IQGAP3: variants seen among roughly 807,000 people sequenced by gnomAD.
IQGAP3 encodes the protein IQ motif containing GTPase activating protein 3.
Under a neutral mutation model 208.2 loss-of-function variants are expected in IQGAP3, and 165 were observed. That is an observed-to-expected ratio of 0.79 (90% CI 0.70 to 0.90). The LOEUF (loss-of-function observed/expected upper bound fraction) is 0.90. Ranked by LOEUF, IQGAP3 falls within the 40% of genes least tolerant of loss-of-function variation. The pLI is 0.00. For missense variants in IQGAP3, 1,811 were observed against 2,043.1 expected (o/e 0.89, Z 2.19); for synonymous variants, 703 against 803.6 (o/e 0.87, Z 2.12).
At chr1:156,526,676 C>A in intron 37 of IQGAP3, 77 bp from the exon 38 acceptor site, 1 of 945,616 alleles carries the variant, frequency 1.1e-6, no homozygotes. Flanking sequence ...AAAACACTCA[C>A]ATCATGGGGC....
intron 32 of IQGAP3, 80 bp downstream of exon 32, chr1:156,532,900 G>T (rs1317074700): frequency 4.7e-6 from 7 of 1,503,156 alleles, no homozygotes; most frequent in Non-Finnish European, 5.5e-6. Flanking sequence ...GGTGGAATGG[G>T]CGCCTCAGAA....
chr1:156,527,091 A>T (rs1674112143), intron 37 of IQGAP3, among the ~76,000 whole-genome samples: 1 of 150,472 alleles, frequency 6.6e-6, no homozygotes. Context: ...TCGGCCTCCC[A>T]AAGTGCTGGG....
chr1:156,543,609 G>C (rs1248127790), intron 22 of IQGAP3, among the ~76,000 whole-genome samples: 1 of 152,176 alleles, frequency 6.6e-6, no homozygotes, highest in Non-Finnish European at 1.5e-5. Flanking sequence ...CCACACCACG[G>C]AATAGATGTA....
rs1311692332 is a variant in IQGAP3 at position 156,556,582 on chromosome 1, G to C, written c.1241C>G (p.Ala414Gly). The C allele has an allele frequency of 3.7e-6, 6 of 1,613,550 alleles. No homozygotes were observed. In the African/African-American group the frequency reaches 6.7e-5, roughly 18 times the overall value. The change falls in exon 12 of 38, where the codon GCA (alanine) becomes GGA (glycine). Residue 414 changes from alanine (A) to glycine (G), a missense_variant. Ala to Gly is a moderately conservative substitution (Grantham distance 60, BLOSUM62 0). Transcript: ENST00000361170. ...CAGCTCCAGCTGGTACATAGACGAT[G>C]CAACAGGGTACACTGGAGGCAGCTG... is the stretch of plus-strand genomic sequence containing the variant. ...EAQLPPVYPV[A>G]SSMYQLELAV...
rs1571322950 is a variant in IQGAP3, at chr1:156,538,904, A to G, written c.3186T>C (p.Asp1062=). 6.2e-7 allele frequency: 1 copy of G among 1,614,160 alleles called. No individual in the cohort carries two copies. The highest frequency in any genetic ancestry group is 8.5e-7 in the Non-Finnish European group (1 of 1,180,032). Residue 1062 remains aspartate (D), a synonymous_variant, in exon 26 of 38, where the codon GAT becomes GAC. Transcript: ENST00000361170. ...LQEILGKVIQ[D]VLEDKVLSVH... is the part of the protein sequence containing the mutation. ...CGCTGAGCACTTTGTCTTCTAGCAC[A>G]TCCTGGATAACCTTGCCCAGAATCT...
In IQGAP3 at chr1:156,564,950, A is replaced by G. The variant is rs2102442146; in HGVS notation, c.361-259T>C. On this transcript the variant is annotated intron_variant, in intron 4 of 37. Transcript: ENST00000361170. Reference sequence around the variant, plus strand: ...GCCCTGGATTAACCAAACACCAGATAAGGCCATCAAGGCTACAGGATATAA... The same window carrying G: ...GCCCTGGATTAACCAAACACCAGATGAGGCCATCAAGGCTACAGGATATAA... 1.3e-5 allele frequency among the ~76,000 whole-genome samples: 2 copies of G among 152,290 alleles called. 1 individual carries two copies. The highest frequency in any genetic ancestry group is 4.1e-4 in the South Asian group (2 of 4,824).
At chr1:156,533,918 G>A in intron 30 of IQGAP3, 43 bp from the exon 31 acceptor site, 4 of 1,604,196 alleles carry the variant, frequency 2.5e-6, no homozygotes, top group Non-Finnish European at 2.6e-6. Flanking sequence ...GTCTGAGCCA[G>A]GTCTTCCCTC....
At chr1:156,533,217 C>T (rs1674509314) in intron 31 of IQGAP3, 111 bp from the exon 32 acceptor site, 31 of 1,382,074 alleles carry the variant, frequency 2.2e-5, no homozygotes, top group Non-Finnish European at 3.1e-5. Context: ...AGCTGCTCCA[C>T]ATGCCCCTCT....
chr1:156,548,301 G>A, intron 18 of IQGAP3, 47 bp downstream of exon 18: 3 of 1,609,344 alleles, frequency 1.9e-6, no homozygotes, highest in Non-Finnish European at 2.5e-6. Context: ...CTCTTCTTCA[G>A]GACATTCCTA....
At chr1:156,547,207 T>C (rs1235336352) in intron 19 of IQGAP3, among the ~76,000 whole-genome samples, 1 of 152,088 alleles carries the variant, frequency 6.6e-6, no homozygotes, top group Non-Finnish European at 1.5e-5. Flanking sequence ...CACTGGACCA[T>C]CCACGGGTTG....
intron 3 of IQGAP3, 99 bp downstream of exon 3, chr1:156,566,291 T>G: frequency 7.4e-7 from 1 of 1,355,886 alleles, no homozygotes; most frequent in Non-Finnish European, 1.0e-6. Flanking sequence ...TTTATCCAGA[T>G]TTGGACAATA....
rs2102348623 is a variant in IQGAP3, at chr1:156,528,681, G to A, written c.4572-71C>T. 6 of 1,340,438 alleles carry A rather than the reference G, an allele frequency of 4.5e-6. No individual in the cohort carries two copies. In the East Asian group the frequency reaches 1.2e-4, roughly 26 times the overall value. 83.0% of individuals were successfully genotyped at this position (1,340,438 alleles called of 1,614,324 possible). A position where few individuals can be genotyped will look rare whatever the true frequency, so the allele number is the denominator to read the frequency against. On this transcript the variant is annotated intron_variant, in intron 35 of 37. Coordinates refer to ENST00000361170, the MANE Select transcript of IQGAP3 (RefSeq NM_178229.5). Reference sequence around the variant, plus strand: ...CCACCAAAGAAACTTGTTTTCTGTGGCTGGAAAGGAAATGAGACCCCGAGG... The same window carrying A: ...CCACCAAAGAAACTTGTTTTCTGTGACTGGAAAGGAAATGAGACCCCGAGG...
rs1676202935 is a variant in IQGAP3, at chr1:156,562,524, C to T, written c.877+63G>A. Reference sequence around the variant, plus strand: ...TGGCTTGAGAAAAGCTATCCCCAAACCTCCCAGTGCAGGGGCTTACCCTGA... The same window carrying T: ...TGGCTTGAGAAAAGCTATCCCCAAATCTCCCAGTGCAGGGGCTTACCCTGA... On this transcript the variant is annotated intron_variant, in intron 9 of 37. Coordinates refer to ENST00000361170, the MANE Select transcript of IQGAP3 (RefSeq NM_178229.5). 19 of 1,317,876 alleles carry T rather than the reference C, an allele frequency of 1.4e-5. No homozygotes were observed. The Admixed American group carries it at 3.2e-4, about 22-fold the overall frequency. The allele number at this position is 1,317,876 out of a possible 1,614,324, so 81.6% of individuals were successfully genotyped here.
At chr1:156,550,382 G>A (rs765279329) in intron 15 of IQGAP3, 31 bp from the exon 16 acceptor site, 20 of 1,528,412 alleles carry the variant, frequency 1.3e-5, no homozygotes, top group Non-Finnish European at 1.7e-5. Context: ...AAAAAGATGT[G>A]ACCCCAAGCT....
At chr1:156,528,817 G>A (rs1340561731) in intron 35 of IQGAP3, 99 bp downstream of exon 35, 11 of 1,405,560 alleles carry the variant, frequency 7.8e-6, no homozygotes, top group Admixed American at 3.5e-5. Context: ...TGCTGGGTGA[G>A]ATTCCCCTTT....
intron 25 of IQGAP3, 25 bp downstream of exon 25, chr1:156,539,349 A>G (rs1451527019): frequency 4.4e-6 from 7 of 1,609,170 alleles, no homozygotes; most frequent in Non-Finnish European, 5.1e-6. Flanking sequence ...TTCTCTCCCC[A>G]TTCCTTTGTG....
chr1:156,559,916 A>G (rs1676067923), intron 11 of IQGAP3, among the ~76,000 whole-genome samples: 1 of 152,226 alleles, frequency 6.6e-6, no homozygotes, highest in African/African-American at 2.4e-5. Flanking sequence ...TCTGTGCTTC[A>G]GAGATTACTC....
Position 156,562,116 on chromosome 1 carries a change from TC to T in IQGAP3, c.878-116del, listed in dbSNP as rs1381403238. 8.2e-6 allele frequency: 8 copies of T among 971,194 alleles called. No individual in the cohort carries two copies. In the East Asian group the frequency reaches 1.8e-4, roughly 22 times the overall value. 60.2% of individuals were successfully genotyped at this position (971,194 alleles called of 1,614,324 possible). A position where few individuals can be genotyped will look rare whatever the true frequency, so the allele number is the denominator to read the frequency against. On this transcript the variant is annotated intron_variant, in intron 9 of 37. Coordinates refer to ENST00000361170, the MANE Select transcript of IQGAP3 (RefSeq NM_178229.5). ...CCTGCCCGGAATTACCCCCACCCTT[TC>T]CCCCTTGGTTCCTGGGCCCATTTGG... is the stretch of plus-strand genomic sequence containing the variant.
At position 156,534,751 on chromosome 1, in the gene IQGAP3, T is replaced by C. The variant is rs773416918; in HGVS notation, c.3508-18A>G. ...CCGACCACCTGAGGGCAAAGGAGAC[T>C]CTCCCAGAAGTGTCCAGGGGCCGCC... On this transcript the variant is annotated intron_variant, in intron 28 of 37. Transcript: ENST00000361170. 1 of 1,501,378 alleles carries C rather than the reference T, an allele frequency of 6.7e-7. No individual in the cohort carries two copies. The highest frequency in any genetic ancestry group is 2.3e-5 in the Admixed American group (1 of 42,722). 93.0% of individuals were successfully genotyped at this position (1,501,378 alleles called of 1,614,324 possible).
Sources: gnomAD v4.1 joint callset for allele counts (sites outside exome capture counted in the v4.1 genomes callset) on GRCh38, gnomAD v4.1.1 for gene constraint, MANE v1.5 for transcripts, NCBI Gene and HGNC (gene_info 2026-07-23, HGNC 2026-07-21) for gene names.